COL11A1: variants seen among roughly 807,000 people sequenced by gnomAD.
COL11A1 encodes the protein collagen alpha-1(XI) chain.
Under a neutral mutation model 265.2 loss-of-function variants are expected in COL11A1, and 74 were observed. That is an observed-to-expected ratio of 0.28 (90% confidence interval 0.23 to 0.34). The LOEUF (loss-of-function observed/expected upper bound fraction) is 0.34. Ranked by LOEUF, COL11A1 falls within the 10% of genes least tolerant of loss-of-function variation. The probability of loss-of-function intolerance (pLI) is 1.00; values close to 1 mark genes in which losing one functional copy is unlikely to be tolerated. For synonymous variants in COL11A1, 816 were observed against 727.6 expected (o/e 1.12, Z -1.96); for missense variants, 2,165 against 2,263.6 (o/e 0.96, Z 0.88).
chr1:103,021,626 G>A lies in COL11A1; in HGVS notation c.1308+81C>T, dbSNP rs1045029203. 6.1e-5 allele frequency: 55 copies of A among 906,844 alleles called. 1 individual carries two copies. In the South Asian group the frequency reaches 6.2e-4, roughly 10 times the overall value. 56.2% of individuals were successfully genotyped at this position (906,844 alleles called of 1,614,324 possible). On this transcript the variant is annotated intron_variant, in intron 9 of 66. Coordinates refer to ENST00000370096, the MANE Select transcript of COL11A1 (RefSeq NM_001854.4). ...ATCAAGATTATCATTGGTAAAACAC[G>A]AACATACATAATAATTTAACATAAT... is the stretch of plus-strand genomic sequence containing the variant.
chr1:103,066,731 A>G (rs1453301325), intron 4 of COL11A1, among the ~76,000 whole-genome samples: 1 of 151,956 alleles, frequency 6.6e-6, no homozygotes. Flanking sequence ...CATGACACCA[A>G]TTAAAAGGCA....
At chr1:102,946,327 TA>T (rs1385413907) in intron 42 of COL11A1, among the ~76,000 whole-genome samples, 365 of 28,040 alleles carry the variant, frequency 0.013, no homozygotes, top group East Asian at 0.11. Context: ...TAAAGTATAA[TA>T]AACCCCCCCC....
At chr1:103,001,695 G>T (rs1557927945) in intron 24 of COL11A1, 5 of 571,810 alleles carry the variant, frequency 8.7e-6, no homozygotes, top group Non-Finnish European at 1.6e-5. Flanking sequence ...AGCTGAGAAT[G>T]CCACATTTGG....
chr1:102,915,801 G>T, intron 49 of COL11A1, 117 bp from the exon 50 acceptor site: 2 of 825,344 alleles, frequency 2.4e-6, no homozygotes, highest in African/African-American at 1.7e-5. Flanking sequence ...TTATTTAAAA[G>T]GCATTGAAAA....
chr1:102,932,825 G>C (rs541216208), intron 46 of COL11A1, among the ~76,000 whole-genome samples: 1 of 151,536 alleles, frequency 6.6e-6, no homozygotes, highest in Non-Finnish European at 1.5e-5. Flanking sequence ...TTCCCTTCTT[G>C]CTTCATTTCA....
At chr1:103,008,353 G>C in intron 15 of COL11A1, 110 bp downstream of exon 15, 1 of 821,390 alleles carries the variant, frequency 1.2e-6, no homozygotes, top group Non-Finnish European at 2.0e-6. Context: ...TACATCAATG[G>C]AATACTACTC....
intron 46 of COL11A1, among the ~76,000 whole-genome samples, chr1:102,927,635 G>A (rs1026241540): frequency 6.6e-6 from 1 of 151,342 alleles, no homozygotes; most frequent in Non-Finnish European, 1.5e-5. Context: ...AGCGTGAGAC[G>A]CCGTCTCAAA....
intron 1 of COL11A1, among the ~76,000 whole-genome samples, chr1:103,105,836 A>G (rs1432630265): frequency 6.6e-6 from 1 of 152,182 alleles, no homozygotes; most frequent in East Asian, 1.9e-4. Context: ...GAAGTTAATT[A>G]AGGGATAAGA....
chr1:102,888,265 A>G (rs1034140151), intron 62 of COL11A1, among the ~76,000 whole-genome samples: 24 of 152,184 alleles, frequency 1.6e-4, no homozygotes, highest in Non-Finnish European at 2.1e-4. Flanking sequence ...TCCTAGAGTC[A>G]AGTAAAAATG....
rs1351932362 is a variant in COL11A1, at chr1:102,920,211, G to A, written c.3762+100C>T. On this transcript the variant is annotated intron_variant, in intron 49 of 66. Coordinates refer to ENST00000370096, the MANE Select transcript of COL11A1 (RefSeq NM_001854.4). ...TGTGAATCATATAACTATGTAAAAGGCTTAGAAACACACATACTAGAAGCA... is the reference window on the plus strand; with the variant it reads ...TGTGAATCATATAACTATGTAAAAGACTTAGAAACACACATACTAGAAGCA... 3 of 1,048,516 alleles carry A rather than the reference G, an allele frequency of 2.9e-6. No homozygotes were observed. The African/African-American group carries it at 4.7e-5, about 16-fold the overall frequency. 65.0% of individuals were successfully genotyped at this position (1,048,516 alleles called of 1,614,324 possible).
At chr1:102,929,833 A>T (rs1370203523) in intron 46 of COL11A1, among the ~76,000 whole-genome samples, 3 of 151,924 alleles carry the variant, frequency 2.0e-5, no homozygotes, top group Non-Finnish European at 4.4e-5. Flanking sequence ...ATTCCTAGGT[A>T]TTTTATTCTC....
rs949255624 is a variant in COL11A1 at position 102,909,955 on chromosome 1, T to G, written c.4086+2204A>C. On this transcript the variant is annotated intron_variant, in intron 54 of 66. Coordinates refer to ENST00000370096, the MANE Select transcript of COL11A1 (RefSeq NM_001854.4). ...GCATTATATTATCATGATTTTAAAA[T>G]TAGTAAATATGACTGAAAATATTTT... Among the ~76,000 whole-genome samples, 71 of 152,156 alleles carry G rather than the reference T, an allele frequency of 4.7e-4. 1 individual carries two copies. The highest frequency in any genetic ancestry group is 1.7e-3 in the African/African-American group (70 of 41,568).
At chr1:103,097,495 T>G (rs1673872749) in intron 1 of COL11A1, among the ~76,000 whole-genome samples, 1 of 151,970 alleles carries the variant, frequency 6.6e-6, no homozygotes, top group Admixed American at 6.6e-5. Flanking sequence ...TAAACTTCTG[T>G]TTTGTATTCT....
At chr1:102,936,550 A>T (rs1345628013) in intron 44 of COL11A1, among the ~76,000 whole-genome samples, 2 of 152,176 alleles carry the variant, frequency 1.3e-5, no homozygotes, top group Non-Finnish European at 2.9e-5. Context: ...CAAAAATTAG[A>T]ATTTTGGAAA....
At chr1:103,021,868 G>A in intron 8 of COL11A1, 99 bp from the exon 9 acceptor site, 1 of 932,890 alleles carries the variant, frequency 1.1e-6, no homozygotes, top group Admixed American at 2.0e-5. Context: ...CTTTTTTGAA[G>A]ACGGAGTCTC....
At chr1:103,049,301 T>G (rs1669584464) in intron 4 of COL11A1, among the ~76,000 whole-genome samples, 1 of 152,236 alleles carries the variant, frequency 6.6e-6, no homozygotes, top group Non-Finnish European at 1.5e-5. Flanking sequence ...GGTGCATATA[T>G]ACTTAGGATA....
intron 13 of COL11A1, among the ~76,000 whole-genome samples, chr1:103,013,173 ATT>A (rs1254158715): frequency 2.6e-5 from 4 of 152,216 alleles, no homozygotes; most frequent in Non-Finnish European, 4.4e-5. Flanking sequence ...GAACACTTAG[ATT>A]TATCACAAAG....
chr1:103,014,864 G>A (rs1404542151), intron 12 of COL11A1, among the ~76,000 whole-genome samples: 1 of 151,760 alleles, frequency 6.6e-6, no homozygotes, highest in Non-Finnish European at 1.5e-5. Flanking sequence ...CTATACCTCT[G>A]GAATAAACCA....
At chr1:103,009,516 A>T (rs943097400) in intron 14 of COL11A1, among the ~76,000 whole-genome samples, 1 of 152,218 alleles carries the variant, frequency 6.6e-6, no homozygotes, top group East Asian at 1.9e-4. Context: ...CTTTATAAAC[A>T]AGTTGTGAGG....
Sources: gnomAD v4.1 joint callset for allele counts (sites outside exome capture counted in the v4.1 genomes callset) on GRCh38, gnomAD v4.1.1 for gene constraint, MANE v1.5 for transcripts, NCBI Gene and HGNC (gene_info 2026-07-23, HGNC 2026-07-21) for gene names.